Variants in YWHAE observed in about 807,000 individuals in gnomAD.
The protein encoded by YWHAE is 14-3-3 protein epsilon.
Under a neutral mutation model 30.1 loss-of-function variants are expected in YWHAE, and 4 were observed. The observed-to-expected ratio is 0.13, with a 90% confidence interval of 0.07 to 0.30. YWHAE has a LOEUF of 0.30. Among genes scored for constraint, YWHAE ranks in the 10% least tolerant of loss-of-function variants. The pLI is 1.00. For synonymous variants in YWHAE, 118 were observed against 111.8 expected, an observed-to-expected ratio of 1.06 and a Z score of -0.35; for missense variants, 121 against 315.9, an observed-to-expected ratio of 0.38 and a Z score of 4.68.
At chr17:1,360,984 C>T (rs1393891672) in intron 4 of YWHAE, 108 bp downstream of exon 4, 3 of 1,006,162 alleles carry the variant, frequency 3.0e-6, no homozygotes, top group Non-Finnish European at 4.5e-6. Context: ...AAAAGAATTA[C>T]TATGCAGCCA....
chr17:1,365,891 C>A (rs528824224), intron 1 of YWHAE, among the ~76,000 whole-genome samples: 8 of 152,094 alleles, frequency 5.3e-5, no homozygotes, highest in South Asian at 2.1e-4. Flanking sequence ...GAGAATCACT[C>A]GAGCTCAGGA....
At chr17:1,374,053 C>T (rs2073087593) in intron 1 of YWHAE, among the ~76,000 whole-genome samples, 1 of 152,114 alleles carries the variant, frequency 6.6e-6, no homozygotes, top group Non-Finnish European at 1.5e-5. Context: ...TGCGGTGGCT[C>T]ACGCCTACAA....
At chr17:1,389,865 C>T (rs973619451) in intron 1 of YWHAE, among the ~76,000 whole-genome samples, 2 of 146,702 alleles carry the variant, frequency 1.4e-5, no homozygotes, top group Non-Finnish European at 3.0e-5. Flanking sequence ...TTTTTTGAGA[C>T]AGAGTTTTGC....
chr17:1,359,812 T>TGTGTGTG (rs1555640505), intron 4 of YWHAE, among the ~76,000 whole-genome samples: 1 of 130,718 alleles, frequency 7.7e-6, no homozygotes, highest in South Asian at 2.7e-4. Flanking sequence ...CACTAAATTG[T>TGTGTGTG]TGTGTGTGTG....
chr17:1,356,554 C>T (rs1481542374), intron 4 of YWHAE, among the ~76,000 whole-genome samples: 1 of 152,234 alleles, frequency 6.6e-6, no homozygotes, highest in Non-Finnish European at 1.5e-5. Context: ...ACACGTGGGA[C>T]AGCTAGACTG....
chr17:1,359,933 GA>G (rs2072833051), intron 4 of YWHAE, among the ~76,000 whole-genome samples: 2 of 42,314 alleles, frequency 4.7e-5, no homozygotes, highest in African/African-American at 3.4e-4. Context: ...GGGAGGGGGG[GA>G]GGAGGGGGAG....
At chr17:1,355,285 T>C (rs1329280362) in intron 4 of YWHAE, among the ~76,000 whole-genome samples, 2 of 148,114 alleles carry the variant, frequency 1.4e-5, no homozygotes, top group African/African-American at 5.0e-5. Context: ...GCCTCCCGAG[T>C]AGCCGGGACT....
chr17:1,362,744 T>G (rs2072883418), intron 2 of YWHAE, among the ~76,000 whole-genome samples: 1 of 152,056 alleles, frequency 6.6e-6, no homozygotes, highest in South Asian at 2.1e-4. Context: ...CCCTGGAACC[T>G]CCGTTTCACT....
Position 1,357,852 on chromosome 17 carries a change from G to A in YWHAE, c.578+3240C>T, listed in dbSNP as rs573729624. Among the ~76,000 whole-genome samples the A allele has an allele frequency of 6.6e-5, 10 of 151,560 alleles. No individual in the cohort carries two copies. In the South Asian group the frequency reaches 8.3e-4, roughly 13 times the overall value. ...TGAAGCAGGAGAATCGCTTGAAACC[G>A]GGAGGCAGAGGTTGCAGTGAGCTGA... is the stretch of plus-strand genomic sequence containing the variant. On this transcript the variant is annotated intron_variant, in intron 4 of 5. Transcript: ENST00000264335.
rs1291757925 is a variant in YWHAE at position 1,400,084 on chromosome 17, G to A, written c.27C>T (p.Tyr9=). ...CAGCCTGCTCGGCCAGCTTCGCCTG[G>A]TACACCAGATCCTCTCGATCATCCA... MDDREDLV[Y]QAKLAEQAER... The change falls in exon 1 of 6, where the codon TAC becomes TAT. Residue 9 remains tyrosine (Y), a synonymous_variant. Transcript: ENST00000264335. 1.2e-6 allele frequency: 2 copies of A among 1,614,050 alleles called. No individual in the cohort carries two copies. The highest frequency in any genetic ancestry group is 1.7e-6 in the Non-Finnish European group (2 of 1,180,006).
chr17:1,360,536 C>T (rs921747590), intron 4 of YWHAE, among the ~76,000 whole-genome samples: 4 of 151,984 alleles, frequency 2.6e-5, no homozygotes, highest in African/African-American at 7.3e-5. Context: ...CGAAGGCGGG[C>T]GGATCACTTG....
intron 4 of YWHAE, among the ~76,000 whole-genome samples, chr17:1,356,203 CACACACACACACAA>C (rs1301975805): frequency 6.4e-3 from 549 of 86,132 alleles, no homozygotes; most frequent in African/African-American, 0.027. Context: ...CACACACACA[CACACACACACACAA>C]AATTAGCCGG....
At chr17:1,348,020 G>T in intron 5 of YWHAE, 1 of 1,007,332 alleles carries the variant, frequency 9.9e-7, no homozygotes. Context: ...TATATTGCAA[G>T]GAAAAAGGGA....
At chr17:1,388,403 C>T (rs1441285581) in intron 1 of YWHAE, among the ~76,000 whole-genome samples, 5 of 151,770 alleles carry the variant, frequency 3.3e-5, no homozygotes, top group Admixed American at 3.3e-4. Flanking sequence ...GTAGTACCAG[C>T]TACTCCGGAG....
Position 1,354,323 on chromosome 17 carries a change from A to G in YWHAE, c.603T>C (p.Asp201=). The G allele has an allele frequency of 6.2e-7, 1 of 1,614,004 alleles. No homozygotes were observed. The highest frequency in any genetic ancestry group is 2.2e-5 in the East Asian group (1 of 44,886). ...ACRLAKAAFD[D]AIAELDTLSE... ...TCAGCGTATCCAGTTCTGCAATTGC[A>G]TCATCAAAAGCTGCTTTTGCCAACC... Residue 201 remains aspartate (D), a synonymous_variant, in exon 5 of 6, where the codon GAT becomes GAC. Coordinates refer to ENST00000264335, the MANE Select transcript of YWHAE (RefSeq NM_006761.5).
intron 5 of YWHAE, among the ~76,000 whole-genome samples, chr17:1,349,409 T>C (rs1025686352): frequency 6.6e-6 from 1 of 152,212 alleles, no homozygotes; most frequent in Non-Finnish European, 1.5e-5. Flanking sequence ...CCCACAATTA[T>C]TTGTGTATTC....
intron 4 of YWHAE, among the ~76,000 whole-genome samples, chr17:1,358,182 A>T (rs1042537002): frequency 6.6e-6 from 1 of 151,960 alleles, no homozygotes; most frequent in African/African-American, 2.4e-5. Context: ...TGAGGCCAGG[A>T]TTTCAAGACC....
intron 1 of YWHAE, among the ~76,000 whole-genome samples, chr17:1,385,024 T>C (rs1371800339): frequency 4.0e-5 from 6 of 150,464 alleles, no homozygotes; most frequent in African/African-American, 1.5e-4. Context: ...TTTAGAGGAG[T>C]CTCCCTATGT....
intron 1 of YWHAE, among the ~76,000 whole-genome samples, chr17:1,369,394 T>A (rs1443954585): frequency 1.3e-5 from 2 of 152,142 alleles, no homozygotes; most frequent in Non-Finnish European, 1.5e-5. Flanking sequence ...ACCAGGAGGC[T>A]GAAGCAAGAG....
Sources: allele counts gnomAD v4.1 joint callset (sites outside exome capture counted in the v4.1 genomes callset), GRCh38; gene constraint gnomAD v4.1.1; transcripts MANE v1.5; gene names NCBI Gene and HGNC (gene_info 2026-07-23, HGNC 2026-07-21).